Variants in KDM4B observed in about 807,000 individuals in gnomAD.
KDM4B encodes the protein lysine demethylase 4B, also known as lysine-specific demethylase 4B.
KDM4B carries 32 observed loss-of-function variants against 125.2 expected under a neutral mutation model. The observed-to-expected ratio is 0.26, with a 90% CI of 0.19 to 0.34. The LOEUF (loss-of-function observed/expected upper bound fraction) is 0.34, where lower values mean the gene tolerates loss of function less well. Ranked by LOEUF, KDM4B falls within the 10% of genes least tolerant of loss-of-function variation. KDM4B has a pLI of 1.00. For missense variants in KDM4B, 1,190 were observed against 1,577.7 expected (o/e 0.75, Z 4.16); for synonymous variants, 721 against 677.9 (o/e 1.06, Z -0.99).
intron 6 of KDM4B, among the ~76,000 whole-genome samples, chr19:5,048,196 G>A (rs898655467): frequency 4.0e-4 from 61 of 152,346 alleles, no homozygotes; most frequent in African/African-American, 1.3e-3. Context: ...TGCCCGGGAG[G>A]TGCCGGGTGC....
chr19:5,031,771 G>A (rs1311399563), intron 2 of KDM4B, among the ~76,000 whole-genome samples: 2 of 152,190 alleles, frequency 1.3e-5, no homozygotes, highest in Non-Finnish European at 2.9e-5. Context: ...ATTCCTGGGT[G>A]CATGCTGCCC....
intron 9 of KDM4B, among the ~76,000 whole-genome samples, chr19:5,098,402 A>G (rs1412480935): frequency 6.6e-6 from 1 of 152,214 alleles, no homozygotes; most frequent in Admixed American, 6.5e-5. Context: ...AGGCTTGGGA[A>G]TTCAGACCGG....
chr19:5,110,551 T>C, intron 9 of KDM4B, 71 bp from the exon 10 acceptor site: 2 of 1,510,796 alleles, frequency 1.3e-6, no homozygotes, highest in Non-Finnish European at 9.2e-7. Context: ...CCCTACCTGC[T>C]CTGGGGTGGG....
chr19:5,128,752 G>A (rs962756528), intron 11 of KDM4B, among the ~76,000 whole-genome samples: 5 of 97,270 alleles, frequency 5.1e-5, no homozygotes, highest in Admixed American at 2.9e-4. Context: ...CTCTGGCATC[G>A]GCAGGGAAAA....
intron 20 of KDM4B, 136 bp from the exon 21 acceptor site, chr19:5,144,647 A>G (rs2039809796): frequency 7.7e-7 from 1 of 1,293,482 alleles, no homozygotes; most frequent in East Asian, 2.3e-5. Context: ...CCGCCCCGCT[A>G]CCCCGGGCCC....
At chr19:5,096,024 TG>T (rs1309592108) in intron 9 of KDM4B, among the ~76,000 whole-genome samples, 1 of 151,648 alleles carries the variant, frequency 6.6e-6, no homozygotes, top group Non-Finnish European at 1.5e-5. Context: ...GAGGTCCTTG[TG>T]TTATGGAAAT....
intron 3 of KDM4B, among the ~76,000 whole-genome samples, chr19:5,039,562 C>T (rs867966482): frequency 3.3e-5 from 5 of 152,212 alleles, no homozygotes; most frequent in Admixed American, 6.5e-5. Context: ...CCTGCACACA[C>T]GTGTCAGGGT....
intron 14 of KDM4B, among the ~76,000 whole-genome samples, chr19:5,134,723 G>C (rs544691950): frequency 6.6e-5 from 10 of 152,352 alleles, no homozygotes; most frequent in African/African-American, 2.4e-4. Context: ...AGCTGCCCTG[G>C]GTTGGGGACG....
chr19:4,980,125 T>C (rs919303833), intron 1 of KDM4B, among the ~76,000 whole-genome samples: 2 of 151,764 alleles, frequency 1.3e-5, no homozygotes, highest in African/African-American at 2.4e-5. Flanking sequence ...AGATACAATT[T>C]AGTGGTTTTT....
chr19:5,049,908 G>C (rs1359902030), intron 6 of KDM4B, among the ~76,000 whole-genome samples: 2 of 152,022 alleles, frequency 1.3e-5, no homozygotes, highest in South Asian at 2.1e-4. Context: ...CAACTTGCAG[G>C]GGGGTGGGGA....
intron 6 of KDM4B, among the ~76,000 whole-genome samples, chr19:5,061,194 C>A (rs1017293786): frequency 6.6e-6 from 1 of 152,226 alleles, no homozygotes; most frequent in Non-Finnish European, 1.5e-5. Context: ...CTGTCTCCTC[C>A]GCCTGCTGCT....
At chr19:5,052,828 C>T (rs1186124491) in intron 6 of KDM4B, among the ~76,000 whole-genome samples, 1 of 152,206 alleles carries the variant, frequency 6.6e-6, no homozygotes, top group Non-Finnish European at 1.5e-5. Flanking sequence ...TGGGTTTGTA[C>T]TGCTGCTGCT....
chr19:4,984,874 G>A (rs373630062), intron 1 of KDM4B, among the ~76,000 whole-genome samples: 16 of 152,284 alleles, frequency 1.1e-4, no homozygotes, highest in South Asian at 4.1e-4. Flanking sequence ...CACCTGCTCC[G>A]TGAAACCCGA....
chr19:5,035,882 C>CGT lies in KDM4B; in HGVS notation c.141+2852_141+2853insTG, dbSNP rs1568244636. 3.4e-5 allele frequency among the ~76,000 whole-genome samples: 3 copies of CGT among 87,018 alleles called. No individual in the cohort carries two copies. Among genetic ancestry groups the CGT allele is most frequent in the Admixed American group, 1.2e-4 (1 of 8,040 alleles). 57.1% of individuals were successfully genotyped at this position (87,018 alleles called of 152,430 possible). A position where few individuals can be genotyped will look rare whatever the true frequency, so the allele number is the denominator to read the frequency against. ...GTGTCTCTGTGTGTGTGTGTGTGTGCGCGCGCGCGCGCGCCTGCGCGCACA... is the reference window on the plus strand; with the variant it reads ...GTGTCTCTGTGTGTGTGTGTGTGTGCGTGCGCGCGCGCGCGCCTGCGCGCACA... On this transcript the variant is annotated intron_variant, in intron 3 of 22. Coordinates refer to ENST00000159111, the MANE Select transcript of KDM4B (RefSeq NM_015015.3). This position sits in a 1 kb window ranked among gnomAD's most constrained non-coding sequence, Gnocchi z 5.3.
At position 5,024,328 on chromosome 19, in the gene KDM4B, T is replaced by C. The variant is rs142496692; in HGVS notation, c.-26+7989T>C. Among the ~76,000 whole-genome samples the C allele has an allele frequency of 1.2e-3, 181 of 152,268 alleles. 1 individual carries two copies. In the East Asian group the frequency reaches 0.03, roughly 25 times the overall value. Reference sequence around the variant, plus strand: ...GAAGGCCTGATGGGGTCAGCCAGACTGTCCCCACCTGAAGCCCCCTGCCAA... The same window carrying C: ...GAAGGCCTGATGGGGTCAGCCAGACCGTCCCCACCTGAAGCCCCCTGCCAA... On this transcript the variant is annotated intron_variant, in intron 2 of 22. Transcript: ENST00000159111.
intron 6 of KDM4B, among the ~76,000 whole-genome samples, chr19:5,063,036 G>GT (rs2037657062): frequency 6.6e-6 from 1 of 151,798 alleles, no homozygotes; most frequent in African/African-American, 2.4e-5. Context: ...ACATTGGCTA[G>GT]TGTCTCTAGT....
chr19:5,036,901 C>T (rs1299629189), intron 3 of KDM4B, among the ~76,000 whole-genome samples: 1 of 152,238 alleles, frequency 6.6e-6, no homozygotes, highest in African/African-American at 2.4e-5. Flanking sequence ...CCCTCGTTCA[C>T]GCTGCCTGTC....
At chr19:5,047,180 T>G (rs1372947191) in intron 5 of KDM4B, 1 of 350,748 alleles carries the variant, frequency 2.9e-6, no homozygotes, top group Non-Finnish European at 5.2e-6. Context: ...GCCTATAGCC[T>G]ATAGTCCCAG....
intron 5 of KDM4B, among the ~76,000 whole-genome samples, chr19:5,043,725 C>T (rs1261178365): frequency 4.4e-5 from 6 of 137,880 alleles, no homozygotes; most frequent in African/African-American, 8.6e-5. Context: ...CCATATCCTG[C>T]GTGGTGTTTA....
Sources: allele counts gnomAD v4.1 joint callset (sites outside exome capture counted in the v4.1 genomes callset), GRCh38; gene constraint gnomAD v4.1.1; non-coding constraint Gnocchi (gnomAD v3.1); transcripts MANE v1.5; gene names NCBI Gene and HGNC (gene_info 2026-07-23, HGNC 2026-07-21).